SYT1: variants seen among roughly 807,000 people sequenced by gnomAD.
The protein encoded by SYT1 is synaptotagmin 1, also known as synaptotagmin-1.
A neutral mutation model predicts 44.8 loss-of-function variants in SYT1; 8 were observed. The ratio of observed to expected loss-of-function variants is 0.18; its 90% CI spans 0.10 to 0.32. The LOEUF (loss-of-function observed/expected upper bound fraction) is 0.32. Among genes scored for constraint, SYT1 ranks in the 10% least tolerant of loss-of-function variants. The pLI, the probability that SYT1 is intolerant of heterozygous loss-of-function variation, is 1.00. For synonymous variants in SYT1, 154 were observed against 188.8 expected (o/e 0.82, Z 1.51); for missense variants, 286 against 509.3 (o/e 0.56, Z 4.22).
At chr12:78,937,475 C>A (rs1378175052) in intron 1 of SYT1, among the ~76,000 whole-genome samples, 1 of 151,986 alleles carries the variant, frequency 6.6e-6, no homozygotes, top group Non-Finnish European at 1.5e-5. Context: ...CATTGAAACA[C>A]AATTATTAAT....
intron 1 of SYT1, among the ~76,000 whole-genome samples, chr12:78,885,373 G>GGA: frequency 6.7e-6 from 1 of 149,102 alleles, no homozygotes; most frequent in Non-Finnish European, 1.5e-5. Flanking sequence ...GGAAGGAAGG[G>GGA]AGGGAGGGAG....
chr12:79,319,934 C>T (rs1881274949), intron 8 of SYT1, among the ~76,000 whole-genome samples: 1 of 152,156 alleles, frequency 6.6e-6, no homozygotes, highest in Non-Finnish European at 1.5e-5. Flanking sequence ...ATACCTAAAA[C>T]ACTAAAGATC....
In SYT1 at chr12:79,217,698, T is replaced by C. The variant is rs779570799; in HGVS notation, c.166+13T>C. 5.0e-6 allele frequency: 8 copies of C among 1,595,092 alleles called. No homozygotes were observed. Among genetic ancestry groups the C allele is most frequent in the South Asian group, 3.4e-5 (3 of 88,624 alleles). On this transcript the variant is annotated intron_variant, in intron 4 of 10. Coordinates refer to ENST00000261205, the MANE Select transcript of SYT1 (RefSeq NM_005639.3). The stretch of plus-strand genomic sequence containing the variant: ...CATAAAATTCCATGTGAGTATTCTA[T>C]ATTAGTACTTGAGTAAAAATAAGTG...
chr12:79,298,830 A>G (rs1879995570), intron 7 of SYT1, among the ~76,000 whole-genome samples: 1 of 152,120 alleles, frequency 6.6e-6, no homozygotes, highest in East Asian at 1.9e-4. Flanking sequence ...GTCAATCAGC[A>G]AATTATTTTA....
intron 3 of SYT1, among the ~76,000 whole-genome samples, chr12:79,171,970 G>A (rs896169799): frequency 6.6e-6 from 1 of 151,866 alleles, no homozygotes; most frequent in Non-Finnish European, 1.5e-5. Flanking sequence ...GATTTAAAGA[G>A]ATCACTTATT....
intron 3 of SYT1, among the ~76,000 whole-genome samples, chr12:79,073,421 G>A (rs780918390): frequency 5.9e-5 from 9 of 152,162 alleles, no homozygotes; most frequent in Non-Finnish European, 1.2e-4. Context: ...GGTGATAAAT[G>A]CTTTGGAGAA....
intron 2 of SYT1, among the ~76,000 whole-genome samples, chr12:79,033,455 AT>A (rs1872943274): frequency 6.6e-6 from 1 of 151,412 alleles, no homozygotes; most frequent in Non-Finnish European, 1.5e-5. Flanking sequence ...TAAATCATTG[AT>A]TTAGAATTTC....
In SYT1 at chr12:78,966,379, G is replaced by A. The variant is rs573163123; in HGVS notation, c.-216-11420G>A. 3.3e-5 allele frequency among the ~76,000 whole-genome samples: 5 copies of A among 152,020 alleles called. No homozygotes were observed. In the South Asian group the frequency reaches 8.3e-4, roughly 25 times the overall value. ...GTACCCTTATCATCATTTTAAAGAA[G>A]TGAAAACCCAAGAAATTGAACAATT... On this transcript the variant is annotated intron_variant, in intron 1 of 10. Coordinates refer to ENST00000261205, the MANE Select transcript of SYT1 (RefSeq NM_005639.3).
At chr12:78,927,893 C>A (rs1398326175) in intron 1 of SYT1, among the ~76,000 whole-genome samples, 2 of 152,146 alleles carry the variant, frequency 1.3e-5, no homozygotes, top group East Asian at 1.9e-4. Flanking sequence ...TATGTTACTT[C>A]ATTCTACTAA....
At chr12:79,233,861 G>C (rs778755924) in intron 4 of SYT1, among the ~76,000 whole-genome samples, 5 of 152,198 alleles carry the variant, frequency 3.3e-5, no homozygotes, top group Non-Finnish European at 7.3e-5. Context: ...GCAATTACAG[G>C]AAAACATATA....
chr12:79,285,297 T>G (rs1453338922), intron 4 of SYT1, among the ~76,000 whole-genome samples: 1 of 152,258 alleles, frequency 6.6e-6, no homozygotes, highest in East Asian at 1.9e-4. Flanking sequence ...CTGCCATTTA[T>G]TAAGCTTTTG....
intron 3 of SYT1, among the ~76,000 whole-genome samples, chr12:79,064,971 A>AGAAAGAAAGAAAGAAG (rs1565789415): frequency 3.4e-5 from 5 of 149,232 alleles, no homozygotes; most frequent in African/African-American, 1.3e-4. Flanking sequence ...AAAGAAAGAA[A>AGAAAGAAAGAAAGAAG]GAAAGAAAGA....
chr12:79,086,305 C>G (rs1029777790), intron 3 of SYT1, among the ~76,000 whole-genome samples: 1 of 151,978 alleles, frequency 6.6e-6, no homozygotes, highest in African/African-American at 2.4e-5. Context: ...ATTTTTTAGC[C>G]TCCGTCATTT....
intron 3 of SYT1, among the ~76,000 whole-genome samples, chr12:79,088,053 TA>T (rs1228435210): frequency 1.3e-5 from 2 of 152,042 alleles, no homozygotes; most frequent in South Asian, 4.1e-4. Flanking sequence ...TCTTTATTTG[TA>T]AAATTAGCAT....
At chr12:78,944,538 A>G (rs1878555582) in intron 1 of SYT1, among the ~76,000 whole-genome samples, 1 of 152,066 alleles carries the variant, frequency 6.6e-6, no homozygotes, top group Non-Finnish European at 1.5e-5. Flanking sequence ...GGGGAAATGC[A>G]GTTATTAAAA....
At chr12:79,034,080 G>T (rs1288453402) in intron 2 of SYT1, among the ~76,000 whole-genome samples, 1 of 151,480 alleles carries the variant, frequency 6.6e-6, no homozygotes, top group Non-Finnish European at 1.5e-5. Flanking sequence ...ATCATCATGT[G>T]TAGAGGAAGC....
chr12:78,914,320 G>A (rs889957514), intron 1 of SYT1, among the ~76,000 whole-genome samples: 1 of 151,788 alleles, frequency 6.6e-6, no homozygotes, highest in Non-Finnish European at 1.5e-5. Context: ...GAAGAGTGAG[G>A]TGCATAACTG....
At chr12:79,372,701 G>GT in intron 9 of SYT1, among the ~76,000 whole-genome samples, 1 of 152,192 alleles carries the variant, frequency 6.6e-6, no homozygotes. Flanking sequence ...TCCCCAACAA[G>GT]TAGATCTAAA....
At chr12:79,419,021 T>C (rs994267086) in intron 9 of SYT1, among the ~76,000 whole-genome samples, 3 of 152,074 alleles carry the variant, frequency 2.0e-5, no homozygotes, top group Non-Finnish European at 2.9e-5. Context: ...TGATAGAGGG[T>C]AGTACCTTCT....
Sources: gnomAD v4.1 joint callset for allele counts (sites outside exome capture counted in the v4.1 genomes callset) on GRCh38, gnomAD v4.1.1 for gene constraint, MANE v1.5 for transcripts, NCBI Gene and HGNC (gene_info 2026-07-23, HGNC 2026-07-21) for gene names.